Variants in KAZN observed in about 807,000 individuals in gnomAD.
KAZN encodes the protein kazrin.
Under a neutral mutation model 87.4 loss-of-function variants are expected in KAZN, and 40 were observed. The ratio of observed to expected loss-of-function variants is 0.46; its 90% confidence interval spans 0.36 to 0.60. The LOEUF (loss-of-function observed/expected upper bound fraction) is 0.60, where lower values mean the gene tolerates loss of function less well. Ranked by LOEUF, KAZN falls within the 20% of genes least tolerant of loss-of-function variation. KAZN has a pLI of 0.00. For synonymous variants in KAZN, 466 were observed against 458.3 expected, an observed-to-expected ratio of 1.02 and a Z score of -0.22; for missense variants, 898 against 1,073.9, an observed-to-expected ratio of 0.84 and a Z score of 2.29.
rs1342132606 is a variant in KAZN at position 14,599,982 on chromosome 1, T to C, written c.226+759T>C. ...AAAAGACAGTTGGTTTGTGTTCACA[T>C]TGACAGAGATTAAGCTCTGAAACCC... On this transcript the variant is annotated intron_variant, in intron 1 of 14. Coordinates refer to ENST00000376030, the MANE Select transcript of KAZN (RefSeq NM_201628.3). The surrounding 1 kb of genome is among the most constrained non-coding windows in gnomAD (Gnocchi z 4.4). Among the ~76,000 whole-genome samples, 2 of 152,128 alleles carry C rather than the reference T, an allele frequency of 1.3e-5. No individual in the cohort carries two copies. The highest frequency in any genetic ancestry group is 4.8e-5 in the African/African-American group (2 of 41,410).
chr1:14,374,953 A>T (rs1019714582), intron 2 of KAZN, among the ~76,000 whole-genome samples: 3 of 152,166 alleles, frequency 2.0e-5, no homozygotes, highest in African/African-American at 7.2e-5. Flanking sequence ...AAAGAATTAA[A>T]GTCCAATTAA....
chr1:14,203,135 C>T (rs746768570), intron 2 of KAZN, among the ~76,000 whole-genome samples: 15 of 151,786 alleles, frequency 9.9e-5, no homozygotes, highest in African/African-American at 1.9e-4. Context: ...AGAAGCCTAT[C>T]GTGACGTATT....
At chr1:15,027,677 GC>G (rs1361933801) in intron 2 of KAZN, among the ~76,000 whole-genome samples, 2 of 152,174 alleles carry the variant, frequency 1.3e-5, no homozygotes, top group African/African-American at 2.4e-5. Flanking sequence ...AGAAAGGGGG[GC>G]CCCCTGCTGG....
At chr1:14,085,650 C>A (rs966130363) in intron 1 of KAZN, among the ~76,000 whole-genome samples, 2 of 152,092 alleles carry the variant, frequency 1.3e-5, no homozygotes, top group African/African-American at 2.4e-5. Context: ...GGGTATGCCA[C>A]GATTCACAGG....
intron 2 of KAZN, among the ~76,000 whole-genome samples, chr1:14,399,598 T>TGTAC: frequency 6.6e-6 from 1 of 152,034 alleles, no homozygotes; most frequent in East Asian, 1.9e-4. Context: ...GTGTACTGGG[T>TGTAC]TTAGTCACGT....
At chr1:14,874,306 G>A (rs1652499172) in intron 1 of KAZN, among the ~76,000 whole-genome samples, 1 of 152,230 alleles carries the variant, frequency 6.6e-6, no homozygotes, top group Admixed American at 6.5e-5. Context: ...GAAGAAACCA[G>A]TAGAGAAGTG....
chr1:14,754,202 TTC>T (rs1194175514), intron 1 of KAZN, among the ~76,000 whole-genome samples: 1 of 152,198 alleles, frequency 6.6e-6, no homozygotes, highest in East Asian at 1.9e-4. Flanking sequence ...ACCCTGGGCT[TTC>T]TGCCCAGGGT....
chr1:14,778,877 G>A (rs993701526), intron 1 of KAZN, among the ~76,000 whole-genome samples: 12 of 152,200 alleles, frequency 7.9e-5, no homozygotes, highest in African/African-American at 2.9e-4. Flanking sequence ...TCATGAGACT[G>A]CATTTGGACA....
intron 1 of KAZN, among the ~76,000 whole-genome samples, chr1:13,962,876 G>C (rs1641806787): frequency 6.6e-6 from 1 of 152,142 alleles, no homozygotes; most frequent in African/African-American, 2.4e-5. Context: ...CCATGCTCTA[G>C]ATGAGAAAAC....
intron 2 of KAZN, among the ~76,000 whole-genome samples, chr1:14,422,835 A>G (rs544220327): frequency 6.8e-4 from 103 of 152,320 alleles, no homozygotes; most frequent in African/African-American, 2.4e-3. Flanking sequence ...CTAATCCCCA[A>G]GGCTTTCCTT....
intron 1 of KAZN, among the ~76,000 whole-genome samples, chr1:14,801,184 C>G (rs1245213409): frequency 6.6e-6 from 1 of 152,010 alleles, no homozygotes; most frequent in Non-Finnish European, 1.5e-5. Context: ...GCTGCCCTCT[C>G]GAGCCAGTCG....
chr1:14,466,042 G>T (rs561302337), intron 2 of KAZN, among the ~76,000 whole-genome samples: 1 of 152,092 alleles, frequency 6.6e-6, no homozygotes, highest in African/African-American at 2.4e-5. Context: ...ACACACAAGC[G>T]GCTATACCAT....
chr1:14,664,363 G>A (rs1340777505), intron 1 of KAZN, among the ~76,000 whole-genome samples: 1 of 152,136 alleles, frequency 6.6e-6, no homozygotes, highest in Admixed American at 6.5e-5. Context: ...AACCTGGGGG[G>A]CAGAGGTTGC....
chr1:15,042,732 G>A (rs1427755459), intron 3 of KAZN, among the ~76,000 whole-genome samples: 1 of 152,192 alleles, frequency 6.6e-6, no homozygotes, highest in Non-Finnish European at 1.5e-5. Context: ...CAGAGAAAAG[G>A]CCACGTTCTC....
At chr1:14,640,439 G>C (rs1434644342) in intron 1 of KAZN, among the ~76,000 whole-genome samples, 1 of 152,196 alleles carries the variant, frequency 6.6e-6, no homozygotes, top group Non-Finnish European at 1.5e-5. Flanking sequence ...TCCCAGGGCA[G>C]TGGGTATTCA....
intron 2 of KAZN, among the ~76,000 whole-genome samples, chr1:14,414,977 G>A (rs1340238006): frequency 6.6e-6 from 1 of 152,098 alleles, no homozygotes; most frequent in African/African-American, 2.4e-5. Context: ...AGTGAGCCAA[G>A]ATCACACCAC....
At chr1:14,830,191 C>A (rs2100872068) in intron 1 of KAZN, among the ~76,000 whole-genome samples, 1 of 152,304 alleles carries the variant, frequency 6.6e-6, no homozygotes. Flanking sequence ...TTTCTAGACT[C>A]TTTCTTCCTT....
intron 2 of KAZN, among the ~76,000 whole-genome samples, chr1:14,535,970 G>A (rs1390760270): frequency 6.6e-6 from 1 of 152,152 alleles, no homozygotes; most frequent in Non-Finnish European, 1.5e-5. Context: ...GTGTTCAATG[G>A]AATGACCAAA....
At chr1:14,718,233 A>G (rs1642910063) in intron 1 of KAZN, among the ~76,000 whole-genome samples, 1 of 152,126 alleles carries the variant, frequency 6.6e-6, no homozygotes, top group African/African-American at 2.4e-5. Context: ...AATGTCGCTC[A>G]TTTCCGTTAA....
Sources: gnomAD v4.1 joint callset for allele counts (sites outside exome capture counted in the v4.1 genomes callset) on GRCh38, gnomAD v4.1.1 for gene constraint, Gnocchi (gnomAD v3.1) non-coding constraint, MANE v1.5 for transcripts, NCBI Gene and HGNC (gene_info 2026-07-23, HGNC 2026-07-21) for gene names.